The following GATA4 variants were observed in gnomAD, a reference collection of about 807,000 sequenced individuals.
GATA4 encodes the protein transcription factor GATA-4.
In GATA4, 7 loss-of-function variants were observed where a neutral mutation model predicts 37.9. The ratio of observed to expected loss-of-function variants is 0.18; its 90% CI spans 0.11 to 0.35. The LOEUF (loss-of-function observed/expected upper bound fraction) is 0.35. Among genes scored for constraint, GATA4 ranks in the 10% least tolerant of loss-of-function variants. The pLI is 1.00. For synonymous variants in GATA4, 372 were observed against 292.6 expected (o/e 1.27, Z -2.77); for missense variants, 647 against 653.0 (o/e 0.99, Z 0.10).
intron 2 of GATA4, among the ~76,000 whole-genome samples, chr8:11,711,859 CA>C (rs1175326107): frequency 6.6e-6 from 1 of 151,794 alleles, no homozygotes; most frequent in Admixed American, 6.5e-5. Context: ...GGACCAGCAT[CA>C]CATAGTAGCT....
upstream of GATA4, among the ~76,000 whole-genome samples, chr8:11,700,040 G>C (rs1422313807): frequency 6.6e-6 from 1 of 152,186 alleles, no homozygotes; most frequent in East Asian, 1.9e-4. Flanking sequence ...CCTCAGACAA[G>C]TACCTTAACC....
In GATA4 at chr8:11,731,930, T is replaced by C. The variant is rs913088054; in HGVS notation, c.617-16986T>C. On this transcript the variant is annotated intron_variant, in intron 2 of 6. Transcript: ENST00000532059. The stretch of plus-strand genomic sequence containing the variant: ...AATTGGTTCTACAAGATTGCCTTTC[T>C]GGCTCTTCAGTGTTTCTCTTTGCCC... 6.6e-5 allele frequency among the ~76,000 whole-genome samples: 10 copies of C among 152,358 alleles called. No individual in the cohort carries two copies. The East Asian group carries it at 1.7e-3, about 26-fold the overall frequency.
chr8:11,689,577 T>A (rs942328416), upstream of GATA4, among the ~76,000 whole-genome samples: 3 of 152,226 alleles, frequency 2.0e-5, no homozygotes, highest in African/African-American at 7.2e-5. Context: ...AGGTGCAATA[T>A]GTGCCTGGTG....
At chr8:11,681,976 G>T (rs1027027954) in intron 1 of GATA4, among the ~76,000 whole-genome samples, 1 of 152,120 alleles carries the variant, frequency 6.6e-6, no homozygotes, top group African/African-American at 2.4e-5. Context: ...TCTGATGTTT[G>T]TCTACAGAAG....
At chr8:11,729,325 T>C (rs1801092114) in intron 2 of GATA4, among the ~76,000 whole-genome samples, 2 of 152,066 alleles carry the variant, frequency 1.3e-5, no homozygotes, top group African/African-American at 4.8e-5. Context: ...ATCCCAGCAC[T>C]TTGGGAGGCC....
chr8:11,690,131 G>A (rs748158588), upstream of GATA4, among the ~76,000 whole-genome samples: 60 of 152,222 alleles, frequency 3.9e-4, no homozygotes, highest in Non-Finnish European at 6.2e-4. Flanking sequence ...GGTACCTGGT[G>A]CCATAATCAC....
upstream of GATA4, among the ~76,000 whole-genome samples, chr8:11,690,596 C>G (rs1799278617): frequency 6.6e-6 from 1 of 152,148 alleles, no homozygotes; most frequent in Admixed American, 6.5e-5. Flanking sequence ...GGCTCTGGCT[C>G]AGGGCTGTAA....
In GATA4 at chr8:11,681,285, G is replaced by T; in HGVS notation, c.-274+4222G>T. ...CTGGATTCCCAGGCCTCCGCACGCT[G>T]AGGTTCCGGGGAAGAGCACTGTCTT... On this transcript the variant is annotated intron_variant, in intron 1 of 6. Coordinates refer to the GATA4 transcript ENST00000528712. The T allele has an allele frequency of 4.1e-6, 4 of 985,432 alleles. No individual in the cohort carries two copies. In the South Asian group the frequency reaches 1.9e-4, roughly 46 times the overall value. The allele number at this position is 985,432 out of a possible 1,614,324, so 61.0% of individuals were successfully genotyped here. A position where few individuals can be genotyped will look rare whatever the true frequency, so the allele number is the denominator to read the frequency against.
At position 11,758,446 on chromosome 8, in the gene GATA4, G is replaced by A. The variant is rs745543448; in HGVS notation, c.1303G>A (p.Asp435Asn). 33 of 1,614,090 alleles carry A rather than the reference G, an allele frequency of 2.0e-5. No homozygotes were observed. Among genetic ancestry groups the A allele is most frequent in the Non-Finnish European group, 2.6e-5 (31 of 1,180,034 alleles). ...QDSWNSLVLA[D>N]SHGDIITA The stretch of plus-strand genomic sequence containing the variant: ...CTCTTGGAACAGCCTGGTCTTGGCC[G>A]ACAGTCACGGGGACATAATCACTGC... Residue 435 changes from aspartate (D) to asparagine (N), a missense_variant, in exon 7 of 7, where the codon GAC becomes AAC. By Grantham distance (23) the Asp-to-Asn change is conservative. This residue lies in a region of GATA4 where 184 missense variants were observed against 157.1 expected (regional missense o/e 1.17). Transcript: ENST00000532059.
Position 11,708,377 on chromosome 8 carries a change from G to T in GATA4, c.65G>T (p.Gly22Val), listed in dbSNP as rs758117613. ...CCCCCCGGTGCCTACGAGGCGGGCG[G>T]CCCCGGCGCCTTCATGCACGGCGCG... is the stretch of plus-strand genomic sequence containing the variant. ...GPPPGAYEAG[G>V]PGAFMHGAGA... The change falls in exon 2 of 7, where the codon GGC becomes GTC. Residue 22 changes from glycine (G) to valine (V), a missense_variant. Around this residue, in one of 5 missense-constraint regions of GATA4, gnomAD observed 379 missense variants for 334.5 expected, o/e 1.13. Coordinates refer to ENST00000532059, the MANE Select transcript of GATA4 (RefSeq NM_001308093.3). This position sits in a 1 kb window ranked among gnomAD's most constrained non-coding sequence, Gnocchi z 6.7. 1 of 1,554,414 alleles carries T rather than the reference G, an allele frequency of 6.4e-7. No homozygotes were observed. The highest frequency in any genetic ancestry group is 1.9e-5 in the Admixed American group (1 of 53,346).
At chr8:11,677,399 A>G (rs1388146831) in intron 1 of GATA4, among the ~76,000 whole-genome samples, 1 of 152,132 alleles carries the variant, frequency 6.6e-6, no homozygotes, top group African/African-American at 2.4e-5. Context: ...TCCCACTCCA[A>G]CAACTGGAAA....
Position 11,708,756 on chromosome 8 carries a change from G to C in GATA4, c.444G>C (p.Gln148His), listed in dbSNP as rs1352635163. ...AAGAGLAGRE[Q>H]YGRAGFAGSY... is the part of the protein sequence containing the mutation. ...GTGCGGGCCTGGCGGGCCGCGAGCAGTACGGGCGCGCCGGCTTCGCGGGCT... is the reference window on the plus strand; with the variant it reads ...GTGCGGGCCTGGCGGGCCGCGAGCACTACGGGCGCGCCGGCTTCGCGGGCT... Residue 148 changes from glutamine to histidine, a missense_variant, in exon 2 of 7, where the codon CAG (glutamine) becomes CAC (histidine). This residue lies in a region of GATA4 where 379 missense variants were observed against 334.5 expected (regional missense o/e 1.13). Transcript: ENST00000532059. The surrounding 1 kb of genome is among the most constrained non-coding windows in gnomAD (Gnocchi z 6.7). The C allele has an allele frequency of 1.6e-5, 23 of 1,407,082 alleles. No individual in the cohort carries two copies. The highest frequency in any genetic ancestry group is 2.1e-5 in the Non-Finnish European group (23 of 1,085,900). 87.2% of individuals were successfully genotyped at this position (1,407,082 alleles called of 1,614,324 possible).
At position 11,708,957 on chromosome 8, in the gene GATA4, G is replaced by GT. The variant is rs1563200694; in HGVS notation, c.616+30dup. 6 of 1,515,584 alleles carry GT rather than the reference G, an allele frequency of 4.0e-6. No individual in the cohort carries two copies. The South Asian group carries it at 7.3e-5, about 18-fold the overall frequency. The allele number at this position is 1,515,584 out of a possible 1,614,324, so 93.9% of individuals were successfully genotyped here. A position where few individuals can be genotyped will look rare whatever the true frequency, so the allele number is the denominator to read the frequency against. Reference sequence around the variant, plus strand: ...AGTAGGAGCGCGAGGGCTGGGGCGCGTGAGGGCCGGGGCAGGGGCCGTCTT... The same window carrying GT: ...AGTAGGAGCGCGAGGGCTGGGGCGCGTTGAGGGCCGGGGCAGGGGCCGTCTT... On this transcript the variant is annotated intron_variant, in intron 2 of 6. Coordinates refer to ENST00000532059, the MANE Select transcript of GATA4 (RefSeq NM_001308093.3). This position sits in a 1 kb window ranked among gnomAD's most constrained non-coding sequence, Gnocchi z 6.7.
At position 11,709,220 on chromosome 8, in the gene GATA4, T is replaced by C. The variant is rs931881377; in HGVS notation, c.616+292T>C. On this transcript the variant is annotated intron_variant, in intron 2 of 6. Coordinates refer to ENST00000532059, the MANE Select transcript of GATA4 (RefSeq NM_001308093.3). This position sits in a 1 kb window ranked among gnomAD's most constrained non-coding sequence, Gnocchi z 4.3. ...TCCCAGACATCGACCGTGGCCGCGC[T>C]GCGCTGTGGGTGACGCGGGAGGACA... Among the ~76,000 whole-genome samples the C allele has an allele frequency of 1.5e-4, 23 of 152,154 alleles. No individual in the cohort carries two copies. Among genetic ancestry groups the C allele is most frequent in the African/African-American group, 5.5e-4 (23 of 41,460 alleles).
intron 5 of GATA4, chr8:11,756,580 T>G: frequency 2.7e-6 from 1 of 370,194 alleles, no homozygotes; most frequent in Non-Finnish European, 5.2e-6. Context: ...GCTGTGGGGA[T>G]ATTATTGTAT....
At chr8:11,677,524 A>G (rs1179727932) in intron 1 of GATA4, among the ~76,000 whole-genome samples, 1 of 152,098 alleles carries the variant, frequency 6.6e-6, no homozygotes, top group African/African-American at 2.4e-5. Context: ...CCTCCAGAAC[A>G]CCCAAATCCC....
chr8:11,708,390 C>T lies in GATA4; in HGVS notation c.78C>T (p.Phe26=), dbSNP rs1245060668. ...GAYEAGGPGA[F]MHGAGAASSP... ...ACGAGGCGGGCGGCCCCGGCGCCTT[C>T]ATGCACGGCGCGGGCGCCGCGTCCT... The change falls in exon 2 of 7, where the codon TTC becomes TTT. Residue 26 remains phenylalanine, a synonymous_variant. Transcript: ENST00000532059. The surrounding 1 kb of genome is among the most constrained non-coding windows in gnomAD (Gnocchi z 6.7). 3 of 1,548,572 alleles carry T rather than the reference C, an allele frequency of 1.9e-6. No homozygotes were observed. Among genetic ancestry groups the T allele is most frequent in the Non-Finnish European group, 1.7e-6 (2 of 1,154,152 alleles).
chr8:11,679,188 G>GGGGC, intron 1 of GATA4, among the ~76,000 whole-genome samples: 3 of 142,718 alleles, frequency 2.1e-5, no homozygotes, highest in Admixed American at 7.0e-5. Context: ...GCGGGGGGGG[G>GGGGC]CACTTTCGCC....
At chr8:11,692,749 C>T in intron 1 of GATA4, 1 of 982,684 alleles carries the variant, frequency 1.0e-6, no homozygotes, top group Non-Finnish European at 1.2e-6. Flanking sequence ...CACGCGAGGG[C>T]GCGGACGGAC....
Sources: allele counts gnomAD v4.1 joint callset (sites outside exome capture counted in the v4.1 genomes callset), GRCh38; gene constraint gnomAD v4.1.1; regional missense constraint gnomAD v4.1.1; non-coding constraint Gnocchi (gnomAD v3.1); transcripts MANE v1.5; gene names NCBI Gene and HGNC (gene_info 2026-07-23, HGNC 2026-07-21).